DUOX1: variants seen among roughly 807,000 people sequenced by gnomAD.
DUOX1 encodes the protein dual oxidase 1.
In DUOX1, 134 loss-of-function variants were observed where a neutral mutation model predicts 181.8. The observed-to-expected ratio is 0.74, with a 90% CI of 0.64 to 0.85. The LOEUF (loss-of-function observed/expected upper bound fraction) is 0.85, where lower values mean the gene tolerates loss of function less well. Ranked by LOEUF, DUOX1 falls within the 40% of genes least tolerant of loss-of-function variation. The pLI is 0.00. For missense variants in DUOX1, 1,814 were observed against 2,064.4 expected (o/e 0.88, Z 2.35); for synonymous variants, 798 against 832.5 (o/e 0.96, Z 0.71).
intron 28 of DUOX1, among the ~76,000 whole-genome samples, chr15:45,158,700 C>CAAAA (rs58522871): frequency 2.1e-5 from 1 of 47,042 alleles, no homozygotes; most frequent in African/African-American, 1.0e-4. Context: ...ACTTCCATCT[C>CAAAA]AAAAAAAAAA....
Position 45,162,365 on chromosome 15 carries a change from G to T in DUOX1, c.4236G>T (p.Val1412=). The T allele has an allele frequency of 6.2e-7, 1 of 1,613,828 alleles. No individual in the cohort carries two copies. The highest frequency in any genetic ancestry group is 1.1e-5 in the South Asian group (1 of 90,996). ...LVFKSSVSCQ[V]FCKKIYFIWV... ...TCAAGTCATCCGTCAGCTGCCAAGTGTTCTGTAAGAAGGTGAGTACTGCCC... is the reference window on the plus strand; with the variant it reads ...TCAAGTCATCCGTCAGCTGCCAAGTTTTCTGTAAGAAGGTGAGTACTGCCC... Residue 1412 remains valine, a synonymous_variant, in exon 31 of 34, where the codon GTG becomes GTT. Coordinates refer to ENST00000389037, the MANE Select transcript of DUOX1 (RefSeq NM_175940.3).
Position 45,153,307 on chromosome 15 carries a change from C to T in DUOX1, c.3425-73C>T, listed in dbSNP as rs748075233. On this transcript the variant is annotated intron_variant, in intron 25 of 33. Coordinates refer to ENST00000389037, the MANE Select transcript of DUOX1 (RefSeq NM_175940.3). Reference sequence around the variant, plus strand: ...GGACCCCCACTCTGGCCAGGGTCCTCGATCTTGGGCTGAATGAGTGAGCAC... The same window carrying T: ...GGACCCCCACTCTGGCCAGGGTCCTTGATCTTGGGCTGAATGAGTGAGCAC... 39 of 1,224,776 alleles carry T rather than the reference C, an allele frequency of 3.2e-5. No homozygotes were observed. The South Asian group carries it at 3.7e-4, about 12-fold the overall frequency. 75.9% of individuals were successfully genotyped at this position (1,224,776 alleles called of 1,614,324 possible).
chr15:45,161,678 T>C (rs1897106346), intron 29 of DUOX1, 60 bp from the exon 30 acceptor site: 1 of 1,495,866 alleles, frequency 6.7e-7, no homozygotes, highest in Non-Finnish European at 9.3e-7. Flanking sequence ...GGGAGCTCTC[T>C]GGAGGCCACA....
chr15:45,163,669 C>T lies in DUOX1; in HGVS notation c.4386C>T (p.Asp1462=). 3.1e-6 allele frequency: 5 copies of T among 1,614,092 alleles called. 1 individual carries two copies. The highest frequency in any genetic ancestry group is 2.2e-5 in the South Asian group (2 of 91,080). The change falls in exon 32 of 34, where the codon GAC becomes GAT. Residue 1462 remains aspartate (D), a synonymous_variant. Transcript: ENST00000389037. ...IYITQLAEKF[D]LRTTMLYICE... is the part of the protein sequence containing the mutation. ...TCACCCAGCTGGCTGAGAAGTTCGACCTCAGGACCACTATGCTGGTATGTC... is the reference window on the plus strand; with the variant it reads ...TCACCCAGCTGGCTGAGAAGTTCGATCTCAGGACCACTATGCTGGTATGTC...
In DUOX1 at chr15:45,137,947, G is replaced by A. The variant is rs1896371550; in HGVS notation, c.1046G>A (p.Gly349Glu). ...YMRNASCHFQGVINRNSSVSR... is the reference protein window; with the variant it reads ...YMRNASCHFQEVINRNSSVSR... The stretch of plus-strand genomic sequence containing the variant: ...AGAAATGCCAGCTGCCACTTCCAGG[G>A]GGTCATCAATCGGAACTCAAGTGTC... Residue 349 changes from glycine to glutamate, a missense_variant, in exon 10 of 34, where the codon GGG becomes GAG. Physicochemically the swap from Gly to Glu is moderately conservative, Grantham distance 98 (BLOSUM62 -2). Around this residue, in one of 5 missense-constraint regions of DUOX1, gnomAD observed 1,064 missense variants for 1,152.9 expected, o/e 0.92. Transcript: ENST00000389037. 1 of 1,608,610 alleles carries A rather than the reference G, an allele frequency of 6.2e-7. No individual in the cohort carries two copies. The highest frequency in any genetic ancestry group is 8.5e-7 in the Non-Finnish European group (1 of 1,177,020).
intron 29 of DUOX1, 145 bp from the exon 30 acceptor site, chr15:45,161,593 G>A: frequency 1.4e-6 from 1 of 716,946 alleles, no homozygotes; most frequent in Non-Finnish European, 2.3e-6. Context: ...TGCTGCCTGG[G>A]CCCCCACAGG....
intron 21 of DUOX1, 142 bp from the exon 22 acceptor site, chr15:45,150,490 G>A (rs1291003751): frequency 5.4e-6 from 4 of 742,036 alleles, no homozygotes; most frequent in Non-Finnish European, 9.0e-6. Flanking sequence ...GCTGAGGTTG[G>A]AGCACCCGAA....
At chr15:45,155,381 A>C (rs1896944966) in intron 27 of DUOX1, 1 of 160,290 alleles carries the variant, frequency 6.2e-6, no homozygotes, top group Non-Finnish European at 1.4e-5. Context: ...CCTGGCCAAC[A>C]TGGCAGAACC....
chr15:45,154,062 C>T (rs1896906629), intron 27 of DUOX1, 62 bp downstream of exon 27: 1 of 1,514,542 alleles, frequency 6.6e-7, no homozygotes, highest in South Asian at 1.1e-5. Context: ...GCTCTGGGTT[C>T]TCTGCACCCC....
In DUOX1 at chr15:45,150,605, G is replaced by A. The variant is rs1227093854; in HGVS notation, c.2819-27G>A. 2.5e-6 allele frequency: 4 copies of A among 1,611,310 alleles called. No homozygotes were observed. In the African/African-American group the frequency reaches 5.3e-5, roughly 22 times the overall value. On this transcript the variant is annotated intron_variant, in intron 21 of 33. Coordinates refer to ENST00000389037, the MANE Select transcript of DUOX1 (RefSeq NM_175940.3). ...CTTCCTGGGCTCTGGACCCTGAGCT[G>A]CTCCCTAGCCTGGCTCTGCTTTGCA...
chr15:45,162,809 G>A (rs1264032662), intron 31 of DUOX1, among the ~76,000 whole-genome samples: 2 of 152,222 alleles, frequency 1.3e-5, no homozygotes, highest in Non-Finnish European at 2.9e-5. Context: ...CAGGAGGAGT[G>A]GTGGCAAGGC....
Position 45,145,066 on chromosome 15 carries a change from C to T in DUOX1, c.2308C>T (p.His770Tyr), listed in dbSNP as rs1184041657. ...RRHLLETFFR[H>Y]LFSQVLDINQ... ...GCACCTCCTGGAGACCTTTTTCAGG[C>T]ACCTTTTCTCCCAGGTGTGTACATG... is the stretch of plus-strand genomic sequence containing the variant. Residue 770 changes from histidine to tyrosine, a missense_variant, in exon 18 of 34, where the codon CAC (histidine) becomes TAC (tyrosine). Physicochemically the swap from His to Tyr is moderately conservative, Grantham distance 83. Transcript: ENST00000389037. 2 of 1,604,982 alleles carry T rather than the reference C, an allele frequency of 1.2e-6. No individual in the cohort carries two copies. Among genetic ancestry groups the T allele is most frequent in the Non-Finnish European group, 1.7e-6 (2 of 1,175,980 alleles).
Position 45,148,272 on chromosome 15 carries a change from A to T in DUOX1, c.2643A>T (p.Arg881Ser), listed in dbSNP as rs1218750739. The change falls in exon 21 of 34, where the codon AGA becomes AGT. Residue 881 changes from arginine (R) to serine (S), a missense_variant and splice_region_variant. By Grantham distance (110) the Arg-to-Ser change is moderately radical. This residue lies in a region of DUOX1 where 1,064 missense variants were observed against 1,152.9 expected (regional missense o/e 0.92). Coordinates refer to ENST00000389037, the MANE Select transcript of DUOX1 (RefSeq NM_175940.3). ...ISKDEFIRML[R>S]SFIEISNNCL... Reference sequence around the variant, plus strand: ...GATGGTTCCTCTCCCCCAACCCCAGATCCTTCATCGAGATCTCCAACAACT... The same window carrying T: ...GATGGTTCCTCTCCCCCAACCCCAGTTCCTTCATCGAGATCTCCAACAACT... 6.2e-7 allele frequency: 1 copy of T among 1,613,968 alleles called. No individual in the cohort carries two copies. The highest frequency in any genetic ancestry group is 1.1e-5 in the South Asian group (1 of 91,088).
At position 45,136,341 on chromosome 15, in the gene DUOX1, G is replaced by A. The variant is rs1289246920; in HGVS notation, c.865-9G>A. The A allele has an allele frequency of 1.2e-6, 2 of 1,613,210 alleles. No homozygotes were observed. Among genetic ancestry groups the A allele is most frequent in the African/African-American group, 1.3e-5 (1 of 74,842 alleles). ...CTCGTGCCTCCCCTCGCCCCTCTCT[G>A]CCCCTCAGAACATCGCTGTGTATGA... On this transcript the variant is annotated splice_polypyrimidine_tract_variant and intron_variant, in intron 7 of 33. Coordinates refer to ENST00000389037, the MANE Select transcript of DUOX1 (RefSeq NM_175940.3).
intron 27 of DUOX1, 111 bp from the exon 28 acceptor site, chr15:45,155,691 C>T: frequency 6.7e-7 from 1 of 1,499,278 alleles, no homozygotes; most frequent in Non-Finnish European, 9.1e-7. Flanking sequence ...AATGCTGGGA[C>T]ATTCTTACTC....
In DUOX1 at chr15:45,136,596, C is replaced by T. The variant is rs151146127; in HGVS notation, c.993C>T (p.Ser331=). 2.5e-6 allele frequency: 4 copies of T among 1,614,082 alleles called. No individual in the cohort carries two copies. Among genetic ancestry groups the T allele is most frequent in the East Asian group, 2.2e-5 (1 of 44,878 alleles). Residue 331 remains serine, a synonymous_variant, in exon 9 of 34, where the codon TCC becomes TCT. Coordinates refer to ENST00000389037, the MANE Select transcript of DUOX1 (RefSeq NM_175940.3). ...TGGCGGCCTCTGAGCAGTTCCTGTC[C>T]ACCATGGTGCCCCCTGGCGTCTACA... ...EFVAASEQFL[S]TMVPPGVYMR...
At chr15:45,153,757 C>G in intron 26 of DUOX1, 194 bp from the exon 27 acceptor site, 2 of 637,902 alleles carry the variant, frequency 3.1e-6, no homozygotes. Context: ...CATGGTGGTG[C>G]GTGCCTGTAA....
intron 27 of DUOX1, among the ~76,000 whole-genome samples, chr15:45,154,873 C>G (rs1896930395): frequency 6.6e-6 from 1 of 152,234 alleles, no homozygotes; most frequent in African/African-American, 2.4e-5. Context: ...CCTGTATACC[C>G]ATGGCCTGGA....
Position 45,161,972 on chromosome 15 carries a change from TACCAGACCCTG to T in DUOX1, c.4089+3_4089+13del, listed in dbSNP as rs1236111003. The T allele has an allele frequency of 5.0e-6, 8 of 1,607,106 alleles. No individual in the cohort carries two copies. Among genetic ancestry groups the T allele is most frequent in the Non-Finnish European group, 5.1e-6 (6 of 1,176,754 alleles). The stretch of plus-strand genomic sequence containing the variant: ...GACAGATGTGCCAGATACCCAAAGG[TACCAGACCCTG>T]GCCAGACATGCCACATGCGCCCATA... On this transcript the variant is annotated splice_donor_5th_base_variant and intron_variant, in intron 30 of 33. Coordinates refer to ENST00000389037, the MANE Select transcript of DUOX1 (RefSeq NM_175940.3).
Sources: allele counts gnomAD v4.1 joint callset (sites outside exome capture counted in the v4.1 genomes callset), GRCh38; gene constraint gnomAD v4.1.1; regional missense constraint gnomAD v4.1.1; transcripts MANE v1.5; gene names NCBI Gene and HGNC (gene_info 2026-07-23, HGNC 2026-07-21).